MAOB: variants seen among roughly 807,000 people sequenced by gnomAD.
The protein encoded by MAOB is monoamine oxidase B.
In MAOB, 15 loss-of-function variants were observed where a neutral mutation model predicts 41.9. The observed-to-expected ratio is 0.36, with a 90% CI of 0.24 to 0.55. The LOEUF (loss-of-function observed/expected upper bound fraction) is 0.55. Ranked by LOEUF, MAOB falls within the 20% of genes least tolerant of loss-of-function variation. The pLI, the probability that MAOB is intolerant of heterozygous loss-of-function variation, is 0.86. For synonymous variants in MAOB, 167 were observed against 144.2 expected (o/e 1.16, Z -1.13); for missense variants, 345 against 398.7 (o/e 0.87, Z 1.15).
chrX:43,874,550 T>C (rs72627377), intron 1 of MAOB, among the ~76,000 whole-genome samples: 5,241 of 111,497 alleles, frequency 0.047, 144 homozygotes, highest in East Asian at 0.2. Context: ...CAGGAAAACC[T>C]AACTTTTCAC....
At chrX:43,782,189 A>G (rs974942641) in intron 8 of MAOB, among the ~76,000 whole-genome samples, 5 of 111,408 alleles carry the variant, frequency 4.5e-5, no homozygotes, top group African/African-American at 1.6e-4. Flanking sequence ...AAAAAAATCA[A>G]TGAATCCAGG....
chrX:43,874,661 C>A (rs1303194349), intron 1 of MAOB, among the ~76,000 whole-genome samples: 1 of 111,380 alleles, frequency 9.0e-6, no homozygotes, highest in African/African-American at 3.3e-5. Flanking sequence ...GGACTTTCTA[C>A]TGTCCTGTAA....
At chrX:43,771,510 G>A in intron 12 of MAOB, among the ~76,000 whole-genome samples, 1 of 111,466 alleles carries the variant, frequency 9.0e-6, no homozygotes, top group East Asian at 2.8e-4. Flanking sequence ...TTAGTATATT[G>A]ATGACAACAC....
Position 43,783,781 on chromosome X carries a change from AC to A in MAOB, c.929-2238del, listed in dbSNP as rs2034366028. On this transcript the variant is annotated intron_variant, in intron 8 of 14. Transcript: ENST00000378069. Reference sequence around the variant, plus strand: ...ACAACGAAGTTTGCCACATCAATTGACTCCTTTTTTTATGAAAAATTTCTCT... The same window carrying A: ...ACAACGAAGTTTGCCACATCAATTGATCCTTTTTTTATGAAAAATTTCTCT... Among the ~76,000 whole-genome samples the A allele has an allele frequency of 3.6e-5, 4 of 110,731 alleles. No individual in the cohort carries two copies. The Admixed American group carries it at 3.8e-4, about 11-fold the overall frequency.
chrX:43,790,476 C>T (rs955772120), intron 8 of MAOB, among the ~76,000 whole-genome samples: 1 of 112,067 alleles, frequency 8.9e-6, no homozygotes, highest in African/African-American at 3.2e-5. Flanking sequence ...ATTCTCAGTG[C>T]CTAGCACTGT....
Position 43,836,878 on chromosome X carries a change from C to T in MAOB, c.279+1990G>A, listed in dbSNP as rs901487269. Among the ~76,000 whole-genome samples, 6 of 112,387 alleles carry T rather than the reference C, an allele frequency of 5.3e-5. No individual in the cohort carries two copies. In the Admixed American group the frequency reaches 5.6e-4, roughly 11 times the overall value. On this transcript the variant is annotated intron_variant, in intron 3 of 14. Transcript: ENST00000378069. ...CTACTGCTTAACTACTTGTATTTTC[C>T]TAACTGCACATAGAGTAATGGAAAT...
chrX:43,867,687 T>C (rs1379226011), intron 1 of MAOB, among the ~76,000 whole-genome samples: 1 of 112,370 alleles, frequency 8.9e-6, no homozygotes, highest in Admixed American at 9.4e-5. Flanking sequence ...TTATCATGCG[T>C]ACAAGAATTA....
chrX:43,801,235 C>T (rs1464690794), intron 5 of MAOB, among the ~76,000 whole-genome samples: 1 of 109,625 alleles, frequency 9.1e-6, no homozygotes, highest in Non-Finnish European at 1.9e-5. Context: ...CTTCTTTTGC[C>T]TCACTTTCTT....
At chrX:43,795,426 G>A (rs769765756) in intron 7 of MAOB, among the ~76,000 whole-genome samples, 26 of 111,725 alleles carry the variant, frequency 2.3e-4, no homozygotes, top group Non-Finnish European at 3.6e-4. Context: ...GAACTCGGTC[G>A]TTTTGGGTTT....
intron 3 of MAOB, among the ~76,000 whole-genome samples, chrX:43,813,015 T>G (rs1399512862): frequency 2.7e-5 from 3 of 112,258 alleles, no homozygotes; most frequent in Non-Finnish European, 5.6e-5. Flanking sequence ...ATGTATTGAC[T>G]CAATCTTCAC....
rs1602043159 is a variant in MAOB, at chrX:43,882,307, G to T, written c.-8C>A. On this transcript the variant is annotated 5_prime_UTR_variant, in exon 1 of 15. Coordinates refer to ENST00000378069, the MANE Select transcript of MAOB (RefSeq NM_000898.5). The stretch of plus-strand genomic sequence containing the variant: ...GTCGCATTTGTTGCTCATGGCGCTC[G>T]CCCCGTTCCAGGCCTCCCTGGTGCC... 1.2e-5 allele frequency: 14 copies of T among 1,206,486 alleles called. No individual in the cohort carries two copies. Among genetic ancestry groups the T allele is most frequent in the African/African-American group, 8.7e-5 (5 of 57,681 alleles).
At chrX:43,778,612 A>G (rs1251690682) in intron 11 of MAOB, 70 bp downstream of exon 11, 1 of 893,288 alleles carries the variant, frequency 1.1e-6, no homozygotes, top group Non-Finnish European at 1.6e-6. Flanking sequence ...GCATTAACCT[A>G]TCCCTGCTAG....
chrX:43,870,794 C>CAAA (rs763016344), intron 1 of MAOB, among the ~76,000 whole-genome samples: 48 of 21,760 alleles, frequency 2.2e-3, no homozygotes, highest in East Asian at 6.3e-3. Context: ...GACTCCACCT[C>CAAA]AAAAAAAAAA....
chrX:43,826,493 GA>G (rs1276313966), intron 3 of MAOB, among the ~76,000 whole-genome samples: 1 of 112,179 alleles, frequency 8.9e-6, no homozygotes, highest in Non-Finnish European at 1.9e-5. Context: ...GGACAAAATG[GA>G]AAAAGAAATA....
Position 43,770,335 on chromosome X carries a change from A to C in MAOB, c.1236-917T>G, listed in dbSNP as rs753763627. Among the ~76,000 whole-genome samples the C allele has an allele frequency of 6.3e-5, 7 of 111,307 alleles. No homozygotes were observed. In the East Asian group the frequency reaches 1.7e-3, roughly 27 times the overall value. On this transcript the variant is annotated intron_variant, in intron 12 of 14. Coordinates refer to ENST00000378069, the MANE Select transcript of MAOB (RefSeq NM_000898.5). Reference sequence around the variant, plus strand: ...TTCACTGGAACTGCACTGCAGCCCAAGTTCTCCCTATGCCCACTCCTGCTT... The same window carrying C: ...TTCACTGGAACTGCACTGCAGCCCACGTTCTCCCTATGCCCACTCCTGCTT...
At chrX:43,861,856 CGTGTGTGT>C (rs112289658) in intron 1 of MAOB, among the ~76,000 whole-genome samples, 4 of 103,160 alleles carry the variant, frequency 3.9e-5, no homozygotes, top group African/African-American at 7.1e-5. Context: ...CCAGCTGAAA[CGTGTGTGT>C]GTGTGTGTGT....
intron 1 of MAOB, among the ~76,000 whole-genome samples, chrX:43,878,327 G>A (rs189504232): frequency 1.9e-4 from 21 of 109,692 alleles, no homozygotes; most frequent in African/African-American, 6.6e-4. Context: ...CTGCAGCCTC[G>A]AGCTCCTGGA....
chrX:43,838,109 G>A lies in MAOB; in HGVS notation c.279+759C>T. 4 of 250,705 alleles carry A rather than the reference G, an allele frequency of 1.6e-5. No homozygotes were observed. The South Asian group carries it at 1.8e-4, about 11-fold the overall frequency. The allele number at this position is 250,705 out of a possible 1,213,427, so 20.7% of individuals were successfully genotyped here. On this transcript the variant is annotated intron_variant, in intron 3 of 14. Coordinates refer to ENST00000378069, the MANE Select transcript of MAOB (RefSeq NM_000898.5). ...TGTTTGTATTTCTGCAAATTTAAGA[G>A]CCTTCCCCCGCCCACCAAACCCAAG...
chrX:43,806,606 C>T (rs1400211313), intron 3 of MAOB, among the ~76,000 whole-genome samples: 1 of 110,918 alleles, frequency 9.0e-6, no homozygotes, highest in East Asian at 2.9e-4. Context: ...ACCCCTCTTC[C>T]ATGCTCTGTT....
Sources: gnomAD v4.1 joint callset for allele counts (sites outside exome capture counted in the v4.1 genomes callset) on GRCh38, gnomAD v4.1.1 for gene constraint, MANE v1.5 for transcripts, NCBI Gene and HGNC (gene_info 2026-07-23, HGNC 2026-07-21) for gene names.